The following SEMA5A variants were observed in gnomAD, a reference collection of about 807,000 sequenced individuals.
SEMA5A encodes the protein semaphorin 5A.
A neutral mutation model predicts 135.5 loss-of-function variants in SEMA5A; 55 were observed. The observed-to-expected ratio is 0.41, with a 90% confidence interval of 0.33 to 0.51. SEMA5A has a LOEUF of 0.51. Among genes scored for constraint, SEMA5A ranks in the 20% least tolerant of loss-of-function variants. The pLI is 0.37. For missense variants in SEMA5A, 1,290 were observed against 1,419.9 expected, an observed-to-expected ratio of 0.91 and a Z score of 1.47; for synonymous variants, 580 against 546.5, an observed-to-expected ratio of 1.06 and a Z score of -0.85.
At chr5:9,207,586 T>C (rs1011522009) in intron 8 of SEMA5A, among the ~76,000 whole-genome samples, 3 of 152,152 alleles carry the variant, frequency 2.0e-5, no homozygotes, top group Non-Finnish European at 4.4e-5. Context: ...TTTCTGTTCC[T>C]AAATTGTTGG....
chr5:9,203,245 G>A (rs1253460290), intron 8 of SEMA5A, among the ~76,000 whole-genome samples: 2 of 152,084 alleles, frequency 1.3e-5, no homozygotes, highest in Non-Finnish European at 2.9e-5. Flanking sequence ...TTAATTTTCT[G>A]GTGCAAATTA....
chr5:9,242,290 C>A (rs191473125), intron 5 of SEMA5A, among the ~76,000 whole-genome samples: 1 of 152,166 alleles, frequency 6.6e-6, no homozygotes, highest in Non-Finnish European at 1.5e-5. Flanking sequence ...CATGGTCACA[C>A]GTGTCAGGGT....
At chr5:9,420,063 G>C (rs568847144) in intron 2 of SEMA5A, among the ~76,000 whole-genome samples, 1 of 152,020 alleles carries the variant, frequency 6.6e-6, no homozygotes, top group Non-Finnish European at 1.5e-5. Flanking sequence ...CTTTGTTCCC[G>C]GGCTGAACTA....
intron 16 of SEMA5A, among the ~76,000 whole-genome samples, chr5:9,086,520 C>A (rs1337433839): frequency 1.3e-5 from 2 of 152,178 alleles, no homozygotes; most frequent in Non-Finnish European, 2.9e-5. Context: ...TGCCTTTCAC[C>A]TTCCACCATG....
chr5:9,477,085 T>C (rs894296732), intron 1 of SEMA5A, among the ~76,000 whole-genome samples: 3 of 152,042 alleles, frequency 2.0e-5, no homozygotes, highest in Non-Finnish European at 4.4e-5. Context: ...ATATAATGAT[T>C]TAAAAGTGTG....
At chr5:9,443,825 G>T (rs919115092) in intron 1 of SEMA5A, among the ~76,000 whole-genome samples, 16 of 152,340 alleles carry the variant, frequency 1.1e-4, no homozygotes, top group Non-Finnish European at 2.2e-4. Context: ...CCACATTCCT[G>T]GGCAAATATT....
chr5:9,181,265 A>G (rs1280222797), intron 11 of SEMA5A, among the ~76,000 whole-genome samples: 2 of 152,156 alleles, frequency 1.3e-5, no homozygotes, highest in African/African-American at 4.8e-5. Context: ...GCAGTAGTAA[A>G]TATTTAAAAG....
At chr5:9,315,399 A>G (rs1017327004) in intron 5 of SEMA5A, among the ~76,000 whole-genome samples, 2 of 152,202 alleles carry the variant, frequency 1.3e-5, no homozygotes, top group Non-Finnish European at 2.9e-5. Flanking sequence ...AAAATCAACA[A>G]ATTAATATTA....
intron 12 of SEMA5A, among the ~76,000 whole-genome samples, chr5:9,153,342 C>A (rs1033388883): frequency 6.6e-6 from 1 of 152,180 alleles, no homozygotes; most frequent in Non-Finnish European, 1.5e-5. Flanking sequence ...ATACAATCTC[C>A]CGGAGTAAAG....
chr5:9,269,391 G>A (rs1749853068), intron 5 of SEMA5A, among the ~76,000 whole-genome samples: 1 of 152,154 alleles, frequency 6.6e-6, no homozygotes, highest in Non-Finnish European at 1.5e-5. Flanking sequence ...GAAAGACAAT[G>A]GAGATGGCTA....
rs997837187 is a variant in SEMA5A at position 9,132,019 on chromosome 5, T to A, written c.1599+4485A>T. On this transcript the variant is annotated intron_variant, in intron 13 of 22. Coordinates refer to ENST00000382496, the MANE Select transcript of SEMA5A (RefSeq NM_003966.3). ...TATATTATTCTAATCAGTCTAGATA[T>A]GCCAATTTAGATTTTACTGATGCAC... is the stretch of plus-strand genomic sequence containing the variant. Among the ~76,000 whole-genome samples, 2 of 152,204 alleles carry A rather than the reference T, an allele frequency of 1.3e-5. 1 individual carries two copies. The highest frequency in any genetic ancestry group is 4.8e-5 in the African/African-American group (2 of 41,464).
At chr5:9,329,325 G>T (rs1561152651) in intron 4 of SEMA5A, among the ~76,000 whole-genome samples, 1 of 152,204 alleles carries the variant, frequency 6.6e-6, no homozygotes, top group Non-Finnish European at 1.5e-5. Context: ...ACTCGTCTCT[G>T]CAGTTTTAGC....
chr5:9,230,800 G>C (rs925053212), intron 6 of SEMA5A, among the ~76,000 whole-genome samples: 1 of 152,150 alleles, frequency 6.6e-6, no homozygotes, highest in African/African-American at 2.4e-5. Context: ...CTAGAGGTCT[G>C]AGTTATCACC....
rs1402526968 is a variant in SEMA5A at position 9,437,794 on chromosome 5, T to A, written c.-116A>T. ...GATGGAGGACGCGTTTCCTCAATCA[T>A]GAATCACACTGACTCCACAGCCACG... On this transcript the variant is annotated 5_prime_UTR_variant, in exon 2 of 23. The change abolishes an upstream ATG in the 5' untranslated region. Transcript: ENST00000382496. 1 of 152,520 alleles carries A rather than the reference T, an allele frequency of 6.6e-6. No individual in the cohort carries two copies. Among genetic ancestry groups the A allele is most frequent in the Non-Finnish European group, 1.5e-5 (1 of 68,036 alleles). The allele number at this position is 152,520 out of a possible 1,614,324, so 9.4% of individuals were successfully genotyped here. A position where few individuals can be genotyped will look rare whatever the true frequency, so the allele number is the denominator to read the frequency against.
At chr5:9,389,566 T>C (rs940740020) in intron 2 of SEMA5A, among the ~76,000 whole-genome samples, 5 of 152,136 alleles carry the variant, frequency 3.3e-5, no homozygotes, top group Non-Finnish European at 4.4e-5. Flanking sequence ...TCCTCCTCCA[T>C]CTTACCAAAA....
chr5:9,177,785 C>A (rs1180556358), intron 11 of SEMA5A, among the ~76,000 whole-genome samples: 1 of 152,180 alleles, frequency 6.6e-6, no homozygotes, highest in African/African-American at 2.4e-5. Flanking sequence ...AGCCTTAGCA[C>A]CCTATTAGAA....
chr5:9,134,584 G>A (rs1198433003), intron 13 of SEMA5A, among the ~76,000 whole-genome samples: 1 of 152,198 alleles, frequency 6.6e-6, no homozygotes, highest in African/African-American at 2.4e-5. Flanking sequence ...CTAGGTTGAG[G>A]GTCCCACGGG....
At chr5:9,326,040 A>T (rs1220511525) in intron 4 of SEMA5A, among the ~76,000 whole-genome samples, 1 of 152,222 alleles carries the variant, frequency 6.6e-6, no homozygotes, top group Non-Finnish European at 1.5e-5. Flanking sequence ...ATCCAAAGAC[A>T]AAACAGACAC....
chr5:9,146,155 C>T (rs149864973), intron 12 of SEMA5A, among the ~76,000 whole-genome samples: 68 of 152,170 alleles, frequency 4.5e-4, no homozygotes, highest in Non-Finnish European at 6.5e-4. Flanking sequence ...TGTTACCTTA[C>T]GACAACACTG....
Sources: gnomAD v4.1 joint callset for allele counts (sites outside exome capture counted in the v4.1 genomes callset) on GRCh38, gnomAD v4.1.1 for gene constraint, MANE v1.5 for transcripts, NCBI Gene and HGNC (gene_info 2026-07-23, HGNC 2026-07-21) for gene names.